The following NCKAP5 variants were observed in gnomAD, a reference collection of about 807,000 sequenced individuals.
NCKAP5 encodes nck-associated protein 5.
NCKAP5 carries 92 observed loss-of-function variants against 167.0 expected under a neutral mutation model. The observed-to-expected ratio is 0.55, with a 90% CI of 0.47 to 0.66. The LOEUF (loss-of-function observed/expected upper bound fraction) is 0.66, where lower values mean the gene tolerates loss of function less well. NCKAP5 is among the 30% of genes least tolerant of loss of function. The pLI is 0.00. For missense variants in NCKAP5, 2,378 were observed against 2,315.0 expected (o/e 1.03, Z -0.56); for synonymous variants, 891 against 877.4 (o/e 1.02, Z -0.27).
At chr2:132,755,163 C>A (rs896893955) in intron 16 of NCKAP5, among the ~76,000 whole-genome samples, 17 of 152,180 alleles carry the variant, frequency 1.1e-4, no homozygotes, top group Admixed American at 5.2e-4. Context: ...AACTATTGGG[C>A]AAAGCCCCAG....
intron 5 of NCKAP5, among the ~76,000 whole-genome samples, chr2:133,199,916 A>G (rs2085599984): frequency 6.6e-6 from 1 of 151,954 alleles, no homozygotes; most frequent in African/African-American, 2.4e-5. Context: ...GAATTTCAAC[A>G]ACATTATGCT....
chr2:132,907,377 A>C (rs557983874), intron 8 of NCKAP5, among the ~76,000 whole-genome samples: 1 of 152,354 alleles, frequency 6.6e-6, no homozygotes, highest in East Asian at 1.9e-4. Flanking sequence ...CGCGGGTAGC[A>C]AAGTCTTCAG....
chr2:133,352,830 T>A (rs1049055694), intron 3 of NCKAP5, among the ~76,000 whole-genome samples: 1 of 152,236 alleles, frequency 6.6e-6, no homozygotes, highest in African/African-American at 2.4e-5. Flanking sequence ...GCACTTTTAG[T>A]ACTAGCCAAG....
intron 7 of NCKAP5, among the ~76,000 whole-genome samples, chr2:132,990,308 A>T (rs1285307656): frequency 6.6e-6 from 1 of 152,138 alleles, no homozygotes; most frequent in East Asian, 1.9e-4. Context: ...ATGATTATCT[A>T]CCTGCCTTCC....
intron 3 of NCKAP5, among the ~76,000 whole-genome samples, chr2:133,343,897 A>G (rs948798615): frequency 6.6e-6 from 1 of 152,210 alleles, no homozygotes; most frequent in Admixed American, 6.5e-5. Flanking sequence ...TCAGTCTAAC[A>G]ATGTGATGTC....
intron 6 of NCKAP5, among the ~76,000 whole-genome samples, chr2:133,056,627 T>C (rs1373252243): frequency 6.6e-6 from 1 of 152,192 alleles, no homozygotes; most frequent in Non-Finnish European, 1.5e-5. Context: ...AAAGGCTACA[T>C]GGGCTTCTTT....
chr2:133,337,889 A>C (rs1296144648), intron 3 of NCKAP5, among the ~76,000 whole-genome samples: 2 of 152,200 alleles, frequency 1.3e-5, no homozygotes, highest in Non-Finnish European at 2.9e-5. Context: ...TCTTATGATG[A>C]ATTTCATGCT....
chr2:133,492,757 T>C (rs74327451), intron 3 of NCKAP5, among the ~76,000 whole-genome samples: 9,382 of 152,294 alleles, frequency 0.062, 323 homozygotes, highest in South Asian at 0.16. Flanking sequence ...TCAACTCTTG[T>C]TGATCTAATA....
intron 11 of NCKAP5, among the ~76,000 whole-genome samples, chr2:132,842,750 G>A (rs915202552): frequency 1.3e-5 from 2 of 151,668 alleles, no homozygotes; most frequent in Non-Finnish European, 2.9e-5. Context: ...TTGTTGCCTA[G>A]GTTGATCTTG....
intron 3 of NCKAP5, among the ~76,000 whole-genome samples, chr2:133,394,456 G>A (rs1361005246): frequency 6.6e-6 from 1 of 152,152 alleles, no homozygotes; most frequent in East Asian, 1.9e-4. Flanking sequence ...GGCAGGTGTG[G>A]GGTTGGAAGC....
intron 3 of NCKAP5, among the ~76,000 whole-genome samples, chr2:133,471,651 C>A (rs2151284278): frequency 6.6e-6 from 1 of 152,248 alleles, no homozygotes; most frequent in Middle Eastern, 3.4e-3. Flanking sequence ...ACCACTGATG[C>A]TTTGGATACA....
intron 4 of NCKAP5, among the ~76,000 whole-genome samples, chr2:133,237,047 T>TA (rs112372084): frequency 0.084 from 12,048 of 142,944 alleles, 542 homozygotes; most frequent in African/African-American, 0.12. Flanking sequence ...TAAAGTATAA[T>TA]AAAAAAAAAA....
intron 6 of NCKAP5, among the ~76,000 whole-genome samples, chr2:133,031,990 T>A (rs906817896): frequency 6.6e-6 from 1 of 152,128 alleles, no homozygotes; most frequent in African/African-American, 2.4e-5. Flanking sequence ...GGTAAGGACC[T>A]TGGTGAGCCT....
chr2:133,450,512 T>TTATA (rs1276799251), intron 3 of NCKAP5, among the ~76,000 whole-genome samples: 1 of 152,222 alleles, frequency 6.6e-6, no homozygotes, highest in Non-Finnish European at 1.5e-5. Context: ...GTTAATAAGC[T>TTATA]TATAGCCCTC....
intron 3 of NCKAP5, among the ~76,000 whole-genome samples, chr2:133,312,482 G>A (rs994139657): frequency 9.2e-5 from 14 of 152,168 alleles, no homozygotes; most frequent in Admixed American, 9.2e-4. Flanking sequence ...GGGTGAACAC[G>A]TGCCTGAGTT....
chr2:133,332,635 G>T (rs1039582458), intron 3 of NCKAP5, among the ~76,000 whole-genome samples: 3 of 152,016 alleles, frequency 2.0e-5, no homozygotes, highest in Admixed American at 6.6e-5. Flanking sequence ...TATTTGAAAA[G>T]AAAATTTTTA....
At chr2:133,449,021 C>G (rs1158030414) in intron 3 of NCKAP5, among the ~76,000 whole-genome samples, 1 of 152,098 alleles carries the variant, frequency 6.6e-6, no homozygotes, top group Non-Finnish European at 1.5e-5. Context: ...TCTTATTAAC[C>G]TTTTTTCCAC....
intron 3 of NCKAP5, among the ~76,000 whole-genome samples, chr2:133,418,132 G>A (rs1205915717): frequency 6.6e-6 from 1 of 152,284 alleles, no homozygotes; most frequent in East Asian, 1.9e-4. Context: ...CTTTACAACG[G>A]ATATTTTCTC....
chr2:133,225,092 C>A (rs1387647533), intron 4 of NCKAP5, among the ~76,000 whole-genome samples: 1 of 152,116 alleles, frequency 6.6e-6, no homozygotes. Flanking sequence ...TAAAATAAAT[C>A]TAGGTTTGTG....
Sources: allele counts gnomAD v4.1 joint callset (sites outside exome capture counted in the v4.1 genomes callset), GRCh38; gene constraint gnomAD v4.1.1; transcripts MANE v1.5; gene names NCBI Gene and HGNC (gene_info 2026-07-23, HGNC 2026-07-21).